Variants in KCNMA1 observed in about 807,000 individuals in gnomAD.
KCNMA1 encodes Calcium-activated potassium channel subunit alpha-1.
In KCNMA1, 29 loss-of-function variants were observed where a neutral mutation model predicts 140.0. The observed-to-expected ratio is 0.21, with a 90% CI of 0.15 to 0.28. The LOEUF (loss-of-function observed/expected upper bound fraction) is 0.28. Among genes scored for constraint, KCNMA1 ranks in the 10% least tolerant of loss-of-function variants. The probability of loss-of-function intolerance (pLI) is 1.00; values close to 1 mark genes in which losing one functional copy is unlikely to be tolerated. For synonymous variants in KCNMA1, 612 were observed against 611.9 expected (o/e 1.00, Z 0.00); for missense variants, 880 against 1,602.2 (o/e 0.55, Z 7.70).
chr10:77,173,591 T>C (rs1432663851), intron 5 of KCNMA1, among the ~76,000 whole-genome samples: 1 of 152,178 alleles, frequency 6.6e-6, no homozygotes, highest in African/African-American at 2.4e-5. Flanking sequence ...CTTTTGGATT[T>C]CTCTTTCTCT....
chr10:77,390,422 C>CTT (rs2095776424), intron 2 of KCNMA1, among the ~76,000 whole-genome samples: 1 of 152,188 alleles, frequency 6.6e-6, no homozygotes, highest in African/African-American at 2.4e-5. Flanking sequence ...ATGATCTGAG[C>CTT]TTTTTCCTGG....
chr10:76,925,339 G>A (rs2152565924), intron 23 of KCNMA1, among the ~76,000 whole-genome samples: 1 of 152,124 alleles, frequency 6.6e-6, no homozygotes, highest in East Asian at 1.9e-4. Context: ...ACCACAAGAG[G>A]ACAAAGGCTG....
intron 25 of KCNMA1, among the ~76,000 whole-genome samples, chr10:76,895,886 G>A (rs1474687727): frequency 6.6e-6 from 1 of 152,176 alleles, no homozygotes; most frequent in Non-Finnish European, 1.5e-5. Flanking sequence ...GGGAGGGAGT[G>A]TATGAATAGG....
intron 2 of KCNMA1, among the ~76,000 whole-genome samples, chr10:77,390,589 C>T (rs2095786037): frequency 6.6e-6 from 1 of 152,162 alleles, no homozygotes; most frequent in Non-Finnish European, 1.5e-5. Flanking sequence ...GATTTTCCAC[C>T]CCTGAGGCAT....
chr10:77,371,537 C>T (rs1423285092), intron 2 of KCNMA1, among the ~76,000 whole-genome samples: 3 of 152,204 alleles, frequency 2.0e-5, no homozygotes, highest in Non-Finnish European at 2.9e-5. Flanking sequence ...AGATTTCTGA[C>T]TTCTTTTGAC....
chr10:77,156,750 G>A (rs2098489155), intron 5 of KCNMA1, among the ~76,000 whole-genome samples: 2 of 152,162 alleles, frequency 1.3e-5, no homozygotes, highest in South Asian at 4.1e-4. Flanking sequence ...GGCCCTGGGA[G>A]ATGTTTTTCA....
At chr10:77,394,007 C>T (rs1287004055) in intron 2 of KCNMA1, among the ~76,000 whole-genome samples, 2 of 152,240 alleles carry the variant, frequency 1.3e-5, no homozygotes, top group Non-Finnish European at 2.9e-5. Context: ...TAGGGAACAC[C>T]AATCAATGTC....
chr10:77,610,301 C>T (rs1313561061), intron 1 of KCNMA1, among the ~76,000 whole-genome samples: 1 of 152,250 alleles, frequency 6.6e-6, no homozygotes, highest in Non-Finnish European at 1.5e-5. Flanking sequence ...ACCACACACA[C>T]TGAAACCCAA....
At chr10:77,636,290 T>C in intron 1 of KCNMA1, 1 of 1,481,636 alleles carries the variant, frequency 6.7e-7, no homozygotes, top group Non-Finnish European at 9.0e-7. Flanking sequence ...GGAAGACATC[T>C]CTAGGGACAC....
chr10:77,090,429 G>C lies in KCNMA1; in HGVS notation c.1305C>G (p.Asp435Glu). ...GAAGAAAAACGATCTCCACATTGAC[G>C]TCATCCCGGTCCTTGTGCAGAAAGT... ...LKDFLHKDRD[D>E]VNVEIVFLHN... Residue 435 changes from aspartate (D) to glutamate (E), a missense_variant, in exon 10 of 28, where the codon GAC (aspartate) becomes GAG (glutamate). Asp to Glu is a conservative substitution (Grantham distance 45). Transcript: ENST00000286628. The C allele has an allele frequency of 6.2e-7, 1 of 1,613,428 alleles. No individual in the cohort carries two copies. Among genetic ancestry groups the C allele is most frequent in the South Asian group, 1.1e-5 (1 of 91,056 alleles).
chr10:77,232,162 C>G (rs1447853247), intron 3 of KCNMA1, among the ~76,000 whole-genome samples: 1 of 152,198 alleles, frequency 6.6e-6, no homozygotes, highest in Non-Finnish European at 1.5e-5. Context: ...AAGCACATCA[C>G]ATTTTGTTAA....
chr10:77,203,266 AC>A (rs1215477603), intron 3 of KCNMA1, among the ~76,000 whole-genome samples: 1 of 152,188 alleles, frequency 6.6e-6, no homozygotes, highest in Non-Finnish European at 1.5e-5. Flanking sequence ...ACAGTGGAAG[AC>A]AGAAGACTCC....
intron 23 of KCNMA1, chr10:76,939,049 T>G (rs970028142): frequency 6.6e-6 from 1 of 151,518 alleles, no homozygotes; most frequent in Non-Finnish European, 1.5e-5. Context: ...AAAATTTAAT[T>G]CCTAAATTTC....
intron 5 of KCNMA1, among the ~76,000 whole-genome samples, chr10:77,126,291 T>A (rs577454107): frequency 1.3e-5 from 2 of 152,222 alleles, no homozygotes; most frequent in Non-Finnish European, 2.9e-5. Context: ...CAAGTGAGAT[T>A]TTTACAGTTT....
At chr10:77,535,373 T>C (rs2058663573) in intron 1 of KCNMA1, among the ~76,000 whole-genome samples, 1 of 152,166 alleles carries the variant, frequency 6.6e-6, no homozygotes. Flanking sequence ...AGACAGCTAT[T>C]ATCAAAAAGT....
At chr10:77,013,206 G>A (rs1253030032) in intron 17 of KCNMA1, among the ~76,000 whole-genome samples, 1 of 152,052 alleles carries the variant, frequency 6.6e-6, no homozygotes. Flanking sequence ...CCAATGTTAA[G>A]ACTTTTGGAT....
intron 1 of KCNMA1, among the ~76,000 whole-genome samples, chr10:77,578,005 G>T (rs2074751189): frequency 6.6e-6 from 1 of 152,222 alleles, no homozygotes; most frequent in African/African-American, 2.4e-5. Flanking sequence ...AATTAGCAAA[G>T]CTCCCCTAGG....
chr10:76,943,133 T>C (rs576819358), intron 23 of KCNMA1, among the ~76,000 whole-genome samples: 1 of 152,294 alleles, frequency 6.6e-6, no homozygotes, highest in Non-Finnish European at 1.5e-5. Flanking sequence ...TTTCAACTCC[T>C]AGAAGGTCAG....
rs929914570 is a variant in KCNMA1, at chr10:76,954,120, G to A, written c.2361-196C>T. Among the ~76,000 whole-genome samples, 6 of 152,160 alleles carry A rather than the reference G, an allele frequency of 3.9e-5. No individual in the cohort carries two copies. The East Asian group carries it at 5.8e-4, about 15-fold the overall frequency. On this transcript the variant is annotated intron_variant, in intron 20 of 27. Coordinates refer to ENST00000286628, the MANE Select transcript of KCNMA1 (RefSeq NM_001161352.2). ...CCACCACCCCACTTCTGGAAGTGCA[G>A]GTGACCTTTGTCAGGGAGCATTTCT...
Sources: allele counts gnomAD v4.1 joint callset (sites outside exome capture counted in the v4.1 genomes callset), GRCh38; gene constraint gnomAD v4.1.1; transcripts MANE v1.5; gene names NCBI Gene and HGNC (gene_info 2026-07-23, HGNC 2026-07-21).